Variants in MCPH1 observed in about 807,000 individuals in gnomAD.
MCPH1 encodes the protein microcephalin 1, also known as microcephalin.
Under a neutral mutation model 84.5 loss-of-function variants are expected in MCPH1, and 104 were observed. That is an observed-to-expected ratio of 1.23 (90% CI 1.05 to 1.45). The LOEUF (loss-of-function observed/expected upper bound fraction) is 1.45. MCPH1 is among the 40% of genes most tolerant of loss of function. The probability of loss-of-function intolerance (pLI) is 0.00; values close to 1 mark genes in which losing one functional copy is unlikely to be tolerated. For synonymous variants in MCPH1, 514 were observed against 366.8 expected (o/e 1.40, Z -4.58); for missense variants, 1,498 against 1,005.7 (o/e 1.49, Z -6.62).
chr8:6,439,196 G>C, intron 6 of MCPH1, 100 bp downstream of exon 6: 1 of 1,209,568 alleles, frequency 8.3e-7, no homozygotes, highest in Non-Finnish European at 1.2e-6. Flanking sequence ...ATGTTTCCTG[G>C]TAGTAACACA....
At chr8:6,569,819 C>T (rs1826510108) in intron 12 of MCPH1, among the ~76,000 whole-genome samples, 1 of 152,232 alleles carries the variant, frequency 6.6e-6, no homozygotes, top group Non-Finnish European at 1.5e-5. Flanking sequence ...AGCACAAACA[C>T]ACATCCCGAG....
intron 6 of MCPH1, among the ~76,000 whole-genome samples, chr8:6,440,516 T>A (rs1227946206): frequency 6.6e-6 from 1 of 152,208 alleles, no homozygotes; most frequent in Non-Finnish European, 1.5e-5. Context: ...TGTGCCACGA[T>A]CCCTGGCTTA....
At chr8:6,475,606 G>A (rs900144657) in intron 9 of MCPH1, among the ~76,000 whole-genome samples, 6 of 152,220 alleles carry the variant, frequency 3.9e-5, no homozygotes, top group African/African-American at 1.4e-4. Context: ...TAGAGAGGGA[G>A]GGCGCCATGA....
chr8:6,494,007 C>G lies in MCPH1; in HGVS notation c.2137-5845C>G, dbSNP rs11992336. On this transcript the variant is annotated intron_variant, in intron 11 of 13. Coordinates refer to ENST00000344683, the MANE Select transcript of MCPH1 (RefSeq NM_024596.5). Reference sequence around the variant, plus strand: ...CCAGGCTGGAGTGCAGTGGCACGATCTTGGCTCACTGCAACATCTGTCTCC... The same window carrying G: ...CCAGGCTGGAGTGCAGTGGCACGATGTTGGCTCACTGCAACATCTGTCTCC... 1,017 of 151,894 alleles carry G rather than the reference C, an allele frequency of 6.7e-3. 18 individuals carry two copies. Among genetic ancestry groups the G allele is most frequent in the African/African-American group, 0.024 (977 of 41,376 alleles). 9.4% of individuals were successfully genotyped at this position (151,894 alleles called of 1,614,324 possible). A position where few individuals can be genotyped will look rare whatever the true frequency, so the allele number is the denominator to read the frequency against.
chr8:6,546,375 G>A (rs1822577067), intron 12 of MCPH1, among the ~76,000 whole-genome samples: 2 of 152,322 alleles, frequency 1.3e-5, no homozygotes, highest in South Asian at 4.1e-4. Flanking sequence ...TTTGGTGGTT[G>A]CTGTTTGTGA....
At chr8:6,417,991 A>G (rs969815650) in intron 3 of MCPH1, among the ~76,000 whole-genome samples, 2 of 152,220 alleles carry the variant, frequency 1.3e-5, no homozygotes, top group African/African-American at 4.8e-5. Context: ...CACTGTCATT[A>G]TGTGGGCAGT....
intron 12 of MCPH1, among the ~76,000 whole-genome samples, chr8:6,514,094 C>T (rs541517669): frequency 1.4e-4 from 22 of 152,278 alleles, no homozygotes; most frequent in African/African-American, 4.8e-4. Flanking sequence ...CCAGCAGAAG[C>T]CTTGGCATAA....
At chr8:6,466,945 C>T (rs919307823) in intron 9 of MCPH1, among the ~76,000 whole-genome samples, 1 of 152,140 alleles carries the variant, frequency 6.6e-6, no homozygotes, top group African/African-American at 2.4e-5. Flanking sequence ...AAGTTATTGC[C>T]TTCCAAATAA....
chr8:6,635,771 G>A (rs753719278), intron 13 of MCPH1, among the ~76,000 whole-genome samples: 1 of 152,074 alleles, frequency 6.6e-6, no homozygotes, highest in Non-Finnish European at 1.5e-5. Context: ...GCCTGTAACT[G>A]CTTCTTATGT....
Position 6,491,376 on chromosome 8 carries a change from C to CTT in MCPH1, c.2137-8460_2137-8459dup, listed in dbSNP as rs34589854. Among the ~76,000 whole-genome samples the CTT allele has an allele frequency of 3.9e-3, 505 of 128,124 alleles. 7 individuals carry two copies. Among genetic ancestry groups the CTT allele is most frequent in the African/African-American group, 0.013 (450 of 35,906 alleles). 84.1% of individuals were successfully genotyped at this position (128,124 alleles called of 152,430 possible). A position where few individuals can be genotyped will look rare whatever the true frequency, so the allele number is the denominator to read the frequency against. On this transcript the variant is annotated intron_variant, in intron 11 of 13. Coordinates refer to ENST00000344683, the MANE Select transcript of MCPH1 (RefSeq NM_024596.5). ...CAGAAGTAGAGTCTATGGTTTCTTT[C>CTT]TTTTTTTTTTTTTTTTTAGCTGCTA...
intron 12 of MCPH1, among the ~76,000 whole-genome samples, chr8:6,571,876 G>A (rs969476438): frequency 6.6e-6 from 1 of 152,252 alleles, no homozygotes; most frequent in South Asian, 2.1e-4. Context: ...AGTGATGTTT[G>A]CTTGAAGTAT....
At chr8:6,551,818 A>C (rs2922866) in intron 12 of MCPH1, among the ~76,000 whole-genome samples, 3,309 of 152,294 alleles carry the variant, frequency 0.022, 121 homozygotes, top group African/African-American at 0.071. Context: ...TTTTTCAGCA[A>C]AATACAATAA....
chr8:6,479,356 C>G (rs1267151916), intron 10 of MCPH1, among the ~76,000 whole-genome samples: 3 of 151,430 alleles, frequency 2.0e-5, no homozygotes, highest in East Asian at 3.9e-4. Flanking sequence ...AACCTCTTCC[C>G]CTTTGTAATA....
chr8:6,508,911 A>G (rs753747916), intron 12 of MCPH1: 2 of 1,614,020 alleles, frequency 1.2e-6, no homozygotes, highest in Non-Finnish European at 1.7e-6. Flanking sequence ...TACAAATAGG[A>G]AGACAGAAAG....
chr8:6,452,913 A>T (rs138952458), intron 8 of MCPH1, among the ~76,000 whole-genome samples: 1,609 of 152,338 alleles, frequency 0.011, 9 homozygotes, highest in South Asian at 0.043. Flanking sequence ...TGTTCGTTGG[A>T]ATTTCTTGGA....
intron 12 of MCPH1, among the ~76,000 whole-genome samples, chr8:6,504,983 T>C (rs1319584138): frequency 6.6e-6 from 1 of 151,666 alleles, no homozygotes; most frequent in African/African-American, 2.4e-5. Flanking sequence ...GAGGAACACA[T>C]ACAGTATGAT....
intron 12 of MCPH1, among the ~76,000 whole-genome samples, chr8:6,583,702 G>A (rs2515526): frequency 0.74 from 112,274 of 151,958 alleles, 42,062 homozygotes; most frequent in East Asian, 0.94. Context: ...TCATCCCCAC[G>A]TCTTATAAAT....
chr8:6,425,923 A>C (rs1800993338), intron 3 of MCPH1, among the ~76,000 whole-genome samples: 1 of 152,160 alleles, frequency 6.6e-6, no homozygotes, highest in African/African-American at 2.4e-5. Flanking sequence ...TTTCGTCCAG[A>C]TGCATCTCAG....
chr8:6,477,929 G>T (rs957021526), intron 10 of MCPH1, among the ~76,000 whole-genome samples: 19 of 152,158 alleles, frequency 1.2e-4, no homozygotes, highest in African/African-American at 4.6e-4. Context: ...GAACATCATT[G>T]ACCAAAACAT....
Sources: gnomAD v4.1 joint callset for allele counts (sites outside exome capture counted in the v4.1 genomes callset) on GRCh38, gnomAD v4.1.1 for gene constraint, MANE v1.5 for transcripts, NCBI Gene and HGNC (gene_info 2026-07-23, HGNC 2026-07-21) for gene names.